The following NRXN1 variants were observed in gnomAD, a reference collection of about 807,000 sequenced individuals.
NRXN1 encodes neurexin-1.
NRXN1 carries 39 observed loss-of-function variants against 150.9 expected under a neutral mutation model. That is an observed-to-expected ratio of 0.26 (90% CI 0.20 to 0.34). The LOEUF (loss-of-function observed/expected upper bound fraction) is 0.34. NRXN1 is among the 10% of genes least tolerant of loss of function. The probability of loss-of-function intolerance (pLI) is 1.00; values close to 1 mark genes in which losing one functional copy is unlikely to be tolerated. For synonymous variants in NRXN1, 924 were observed against 757.0 expected (o/e 1.22, Z -3.62); for missense variants, 1,815 against 1,949.9 (o/e 0.93, Z 1.30).
At chr2:51,016,938 G>A (rs537576059) in intron 2 of NRXN1, among the ~76,000 whole-genome samples, 91 of 152,246 alleles carry the variant, frequency 6.0e-4, no homozygotes, top group Non-Finnish European at 1.1e-3. Context: ...AAAAGGATGA[G>A]TTCATGTCCT....
intron 17 of NRXN1, among the ~76,000 whole-genome samples, chr2:50,452,868 T>C (rs1047120534): frequency 1.3e-5 from 2 of 152,182 alleles, no homozygotes; most frequent in African/African-American, 2.4e-5. Flanking sequence ...TAGAGAAATG[T>C]ACACTTGGAT....
At chr2:50,201,270 C>T (rs183376164) in intron 18 of NRXN1, among the ~76,000 whole-genome samples, 6 of 152,160 alleles carry the variant, frequency 3.9e-5, no homozygotes, top group Admixed American at 1.3e-4. Flanking sequence ...CTTGGTTGAA[C>T]GACGGAATCA....
chr2:50,416,951 T>G (rs1253858243), intron 17 of NRXN1: 1 of 152,144 alleles, frequency 6.6e-6, no homozygotes, highest in South Asian at 2.1e-4. Context: ...AAAGTTATAT[T>G]TTGCATTAGT....
At chr2:50,829,771 C>G in intron 5 of NRXN1, 1 of 1,554,132 alleles carries the variant, frequency 6.4e-7, no homozygotes. Context: ...AAGTGCCACT[C>G]AGCCCTAATG....
intron 5 of NRXN1, among the ~76,000 whole-genome samples, chr2:50,837,518 C>T (rs918097563): frequency 6.6e-5 from 10 of 151,992 alleles, no homozygotes; most frequent in Non-Finnish European, 1.0e-4. Flanking sequence ...TAACTTATGA[C>T]GCTACTGAAA....
rs148554911 is a variant in NRXN1, at chr2:50,423,518, C to T, written c.3364+41924G>A. On this transcript the variant is annotated intron_variant, in intron 17 of 22. Coordinates refer to ENST00000401669, the MANE Select transcript of NRXN1 (RefSeq NM_001330078.2). ...AAGAAAAACGACTAGAAAAGAAAAA[C>T]GAGAGAGCATCATACCAGTTCCATT... 5.3e-4 allele frequency among the ~76,000 whole-genome samples: 81 copies of T among 151,930 alleles called. 1 individual carries two copies. Among genetic ancestry groups the T allele is most frequent in the Middle Eastern group, 3.4e-3 (1 of 294 alleles).
chr2:50,841,659 A>C (rs780878015), intron 5 of NRXN1, among the ~76,000 whole-genome samples: 7 of 152,144 alleles, frequency 4.6e-5, no homozygotes, highest in Non-Finnish European at 7.4e-5. Flanking sequence ...AGCACTGTTT[A>C]TTGTTTAGCT....
chr2:50,984,083 T>A (rs552910577), intron 2 of NRXN1, among the ~76,000 whole-genome samples: 121 of 147,544 alleles, frequency 8.2e-4, no homozygotes, highest in South Asian at 2.2e-3. Context: ...TCCTCCCTCC[T>A]CAGCCTCCCA....
intron 2 of NRXN1, among the ~76,000 whole-genome samples, chr2:50,961,352 T>C (rs555627616): frequency 2.1e-4 from 32 of 151,870 alleles, no homozygotes; most frequent in Non-Finnish European, 3.4e-4. Context: ...CTAATTCTCA[T>C]ATCACACTGT....
intron 18 of NRXN1, among the ~76,000 whole-genome samples, chr2:50,182,524 T>C (rs1015028859): frequency 6.6e-6 from 1 of 152,094 alleles, no homozygotes; most frequent in African/African-American, 2.4e-5. Context: ...AGTTATGCTG[T>C]TTATTCAATG....
At chr2:50,122,534 T>C (rs567137045) in intron 18 of NRXN1, among the ~76,000 whole-genome samples, 1 of 152,364 alleles carries the variant, frequency 6.6e-6, no homozygotes, top group South Asian at 2.1e-4. Flanking sequence ...CTTTGTTCTT[T>C]GTTTGGCGGT....
chr2:50,129,971 T>C (rs1043491618), intron 18 of NRXN1, among the ~76,000 whole-genome samples: 1 of 152,210 alleles, frequency 6.6e-6, no homozygotes, highest in African/African-American at 2.4e-5. Context: ...ATTTTCTATG[T>C]AATACTCCAA....
chr2:50,784,714 G>C (rs1704838856), intron 5 of NRXN1, among the ~76,000 whole-genome samples: 1 of 152,076 alleles, frequency 6.6e-6, no homozygotes, highest in South Asian at 2.1e-4. Flanking sequence ...GGTCAAGGAT[G>C]AAATGGGGTT....
chr2:50,988,615 T>A lies in NRXN1; in HGVS notation c.772+38887A>T, dbSNP rs1326952585. Among the ~76,000 whole-genome samples, 8 of 152,046 alleles carry A rather than the reference T, an allele frequency of 5.3e-5. No individual in the cohort carries two copies. The East Asian group carries it at 1.6e-3, about 30-fold the overall frequency. On this transcript the variant is annotated intron_variant, in intron 2 of 22. Transcript: ENST00000401669. ...TTAAATTCTTATTACCCTTAGGGTA[T>A]CTAAATCAATGCAACCATGTGTTGT...
chr2:50,777,183 T>G (rs1703757341), intron 5 of NRXN1, among the ~76,000 whole-genome samples: 1 of 152,138 alleles, frequency 6.6e-6, no homozygotes, highest in South Asian at 2.1e-4. Context: ...TTACTAGATT[T>G]TATATATTGC....
intron 17 of NRXN1, among the ~76,000 whole-genome samples, chr2:50,258,214 A>G (rs561147329): frequency 5.0e-4 from 76 of 152,066 alleles, no homozygotes; most frequent in Non-Finnish European, 9.9e-4. Flanking sequence ...ATAGCATACA[A>G]TGCTGTTTGA....
intron 5 of NRXN1, among the ~76,000 whole-genome samples, chr2:50,892,767 G>A (rs1013711012): frequency 2.6e-5 from 4 of 152,136 alleles, no homozygotes; most frequent in African/African-American, 9.7e-5. Context: ...ACATATGTAT[G>A]TAAACACATA....
chr2:50,273,182 A>G (rs1268117993), intron 17 of NRXN1, among the ~76,000 whole-genome samples: 1 of 152,170 alleles, frequency 6.6e-6, no homozygotes, highest in South Asian at 2.1e-4. Context: ...AAAGGAAGGG[A>G]AGTTTGGATT....
At chr2:50,333,270 C>T (rs1378298465) in intron 17 of NRXN1, among the ~76,000 whole-genome samples, 1 of 152,212 alleles carries the variant, frequency 6.6e-6, no homozygotes, top group Non-Finnish European at 1.5e-5. Context: ...AAACATGCGA[C>T]TAAGTCAGGC....
Sources: gnomAD v4.1 joint callset for allele counts (sites outside exome capture counted in the v4.1 genomes callset) on GRCh38, gnomAD v4.1.1 for gene constraint, MANE v1.5 for transcripts, NCBI Gene and HGNC (gene_info 2026-07-23, HGNC 2026-07-21) for gene names.